Variants in MAST2 observed in about 807,000 individuals in gnomAD.
MAST2 encodes the protein microtubule-associated serine/threonine-protein kinase 2.
MAST2 carries 70 observed loss-of-function variants against 147.4 expected under a neutral mutation model. The observed-to-expected ratio is 0.47, with a 90% CI of 0.39 to 0.58. The LOEUF is 0.58. Ranked by LOEUF, MAST2 falls within the 20% of genes least tolerant of loss-of-function variation. The pLI is 0.00. For synonymous variants in MAST2, 869 were observed against 896.8 expected (o/e 0.97, Z 0.55); for missense variants, 2,080 against 2,302.3 (o/e 0.90, Z 1.98).
chr1:45,928,833 T>C (rs1654821613), intron 4 of MAST2, among the ~76,000 whole-genome samples: 1 of 145,952 alleles, frequency 6.9e-6, no homozygotes. Flanking sequence ...TGTTCTCACC[T>C]TTTTTTTTTT....
chr1:46,016,499 C>T (rs1645947647), intron 10 of MAST2, among the ~76,000 whole-genome samples: 2 of 151,854 alleles, frequency 1.3e-5, no homozygotes, highest in African/African-American at 4.8e-5. Flanking sequence ...GATACAAAAT[C>T]AATGTACAAA....
At chr1:45,961,017 AC>A (rs1660341409) in intron 5 of MAST2, among the ~76,000 whole-genome samples, 1 of 152,108 alleles carries the variant, frequency 6.6e-6, no homozygotes, top group Admixed American at 6.5e-5. Flanking sequence ...CTGAAACTGA[AC>A]TTTGTCCTTG....
intron 21 of MAST2, 101 bp from the exon 22 acceptor site, chr1:46,030,506 A>C: frequency 7.2e-7 from 1 of 1,382,268 alleles, no homozygotes; most frequent in Middle Eastern, 2.5e-4. Context: ...GATGGAACCG[A>C]CTGGTTCAAA....
At chr1:45,824,242 A>G (rs1405076895) in intron 1 of MAST2, among the ~76,000 whole-genome samples, 191 bp from the exon 2 acceptor site, 1 of 152,188 alleles carries the variant, frequency 6.6e-6, no homozygotes, top group East Asian at 1.9e-4. Context: ...TTAATAATCA[A>G]TATCCTGTGT....
intron 5 of MAST2, among the ~76,000 whole-genome samples, chr1:45,980,631 C>T (rs1644369582): frequency 6.6e-6 from 1 of 152,138 alleles, no homozygotes; most frequent in African/African-American, 2.4e-5. Context: ...ACCTGCTGGG[C>T]TCAAACAGTC....
intron 4 of MAST2, among the ~76,000 whole-genome samples, chr1:45,936,206 G>A (rs1408495158): frequency 6.6e-6 from 1 of 152,138 alleles, no homozygotes; most frequent in Non-Finnish European, 1.5e-5. Flanking sequence ...GGACGTCATT[G>A]GAGTGTAGAA....
chr1:46,025,207 T>C (rs1275634151), intron 15 of MAST2, among the ~76,000 whole-genome samples: 1 of 152,034 alleles, frequency 6.6e-6, no homozygotes, highest in Non-Finnish European at 1.5e-5. Context: ...TGATCCCAGC[T>C]ACTCGGGAGG....
At position 46,031,887 on chromosome 1, in the gene MAST2, CA is replaced by C. The variant is rs1646684352; in HGVS notation, c.3188-286del. Among the ~76,000 whole-genome samples, 1 of 152,128 alleles carries C rather than the reference CA, an allele frequency of 6.6e-6. No homozygotes were observed. The highest frequency in any genetic ancestry group is 1.5e-5 in the Non-Finnish European group (1 of 68,022). On this transcript the variant is annotated intron_variant, in intron 24 of 28. Transcript: ENST00000361297. This position sits in a 1 kb window ranked among gnomAD's most constrained non-coding sequence, Gnocchi z 4.1. ...TTCTCTAAGCCTCAAGTTTCTTATC[CA>C]AAAATGTGGATATAATAGAGGCCAG...
rs1646584417 is a variant in MAST2, at chr1:46,030,129, C to T, written c.2444C>T (p.Thr815Ile). Residue 815 changes from threonine (T) to isoleucine (I), a missense_variant and splice_region_variant, in exon 21 of 29, where the codon ACC becomes ATC. Physicochemically the swap from Thr to Ile is moderately conservative, Grantham distance 89 (BLOSUM62 -1). Coordinates refer to ENST00000361297, the MANE Select transcript of MAST2 (RefSeq NM_015112.3). ...ESEDDTSYFD[T>I]RSERYHHMDS... ...AAAGTGTCCTTTATGTCTGGCCCAG[C>T]CCGCTCAGAGCGATACCACCACATG... 6.2e-7 allele frequency: 1 copy of T among 1,614,056 alleles called. No homozygotes were observed. The highest frequency in any genetic ancestry group is 8.5e-7 in the Non-Finnish European group (1 of 1,179,880).
At chr1:45,949,441 A>G (rs1487055496) in intron 4 of MAST2, among the ~76,000 whole-genome samples, 1 of 152,374 alleles carries the variant, frequency 6.6e-6, no homozygotes, top group East Asian at 1.9e-4. Flanking sequence ...GAAGGCATAC[A>G]TGCGACCAAC....
chr1:45,840,924 C>T (rs1645254002), intron 3 of MAST2, among the ~76,000 whole-genome samples: 1 of 152,152 alleles, frequency 6.6e-6, no homozygotes, highest in African/African-American at 2.4e-5. Context: ...TTCTGAACTG[C>T]ATTTGGTACT....
At chr1:45,952,909 G>A (rs1659138679) in intron 4 of MAST2, among the ~76,000 whole-genome samples, 1 of 152,134 alleles carries the variant, frequency 6.6e-6, no homozygotes, top group Non-Finnish European at 1.5e-5. Flanking sequence ...GGAATGTTAA[G>A]CAGTGAAATT....
intron 1 of MAST2, among the ~76,000 whole-genome samples, chr1:45,808,462 G>A (rs1644203336): frequency 6.6e-6 from 1 of 152,090 alleles, no homozygotes; most frequent in Non-Finnish European, 1.5e-5. Flanking sequence ...ACCCGCCTTG[G>A]CCTCCCAAAG....
At chr1:45,966,868 T>TC (rs1661293485) in intron 5 of MAST2, among the ~76,000 whole-genome samples, 1 of 148,514 alleles carries the variant, frequency 6.7e-6, no homozygotes, top group Non-Finnish European at 1.5e-5. Flanking sequence ...GGTCTTTTTT[T>TC]TTTTTTTTTT....
intron 4 of MAST2, among the ~76,000 whole-genome samples, chr1:45,916,137 A>G (rs1652468276): frequency 6.6e-6 from 1 of 152,230 alleles, no homozygotes; most frequent in East Asian, 1.9e-4. Context: ...CTAGAGTGAT[A>G]ATGACTAGGA....
chr1:45,893,035 G>A (rs1200746123), intron 4 of MAST2, among the ~76,000 whole-genome samples: 3 of 152,108 alleles, frequency 2.0e-5, no homozygotes, highest in African/African-American at 7.2e-5. Context: ...AGGACATCAA[G>A]TAAAGAGATT....
At chr1:45,811,957 A>T (rs559891754) in intron 1 of MAST2, among the ~76,000 whole-genome samples, 1 of 151,974 alleles carries the variant, frequency 6.6e-6, no homozygotes, top group South Asian at 2.1e-4. Flanking sequence ...TTTAGTAAAG[A>T]TGGGGTTTCA....
chr1:46,034,340 A>G (rs1482335531), intron 28 of MAST2, 74 bp downstream of exon 28: 2 of 1,477,474 alleles, frequency 1.4e-6, no homozygotes, highest in Non-Finnish European at 1.8e-6. Context: ...TGTGCTTCTG[A>G]CAGATCCCAC....
intron 4 of MAST2, among the ~76,000 whole-genome samples, chr1:45,945,495 G>A (rs982775393): frequency 5.3e-5 from 8 of 152,170 alleles, no homozygotes; most frequent in African/African-American, 4.8e-5. Context: ...TGGCTGCCTC[G>A]TAGAAACTAA....
Sources: allele counts gnomAD v4.1 joint callset (sites outside exome capture counted in the v4.1 genomes callset), GRCh38; gene constraint gnomAD v4.1.1; non-coding constraint Gnocchi (gnomAD v3.1); transcripts MANE v1.5; gene names NCBI Gene and HGNC (gene_info 2026-07-23, HGNC 2026-07-21).